Variants in MTHFS observed in about 807,000 individuals in gnomAD.
The protein encoded by MTHFS is 5-formyltetrahydrofolate cyclo-ligase.
MTHFS carries 7 observed loss-of-function variants against 12.7 expected under a neutral mutation model. The ratio of observed to expected loss-of-function variants is 0.55; its 90% CI spans 0.31 to 1.03. The LOEUF (loss-of-function observed/expected upper bound fraction) is 1.03. Among genes scored for constraint, MTHFS ranks in the 50% least tolerant of loss-of-function variants. The probability of loss-of-function intolerance (pLI) is 0.05; values close to 1 mark genes in which losing one functional copy is unlikely to be tolerated. For synonymous variants in MTHFS, 100 were observed against 97.1 expected (o/e 1.03, Z -0.18); for missense variants, 252 against 258.1 (o/e 0.98, Z 0.16).
intron 2 of MTHFS, among the ~76,000 whole-genome samples, chr15:79,883,154 T>A (rs1362750198): frequency 6.6e-6 from 1 of 152,226 alleles, no homozygotes; most frequent in Non-Finnish European, 1.5e-5. Context: ...CAGTTAGCTA[T>A]GATTACACCC....
At chr15:79,881,692 G>T (rs1177507403) in intron 2 of MTHFS, among the ~76,000 whole-genome samples, 1 of 152,156 alleles carries the variant, frequency 6.6e-6, no homozygotes, top group East Asian at 1.9e-4. Context: ...GTTACCAAGG[G>T]TACCTGTTCC....
chr15:79,867,653 A>C (rs1014381665), intron 2 of MTHFS, among the ~76,000 whole-genome samples: 1 of 152,076 alleles, frequency 6.6e-6, no homozygotes, highest in Non-Finnish European at 1.5e-5. Context: ...CACATTTCTT[A>C]ACAATGCCTT....
At chr15:79,890,207 C>CTTTTTTTTT (rs71150999) in intron 1 of MTHFS, among the ~76,000 whole-genome samples, 1 of 100,694 alleles carries the variant, frequency 9.9e-6, no homozygotes, top group African/African-American at 3.7e-5. Flanking sequence ...CTCTTTTTTC[C>CTTTTTTTTT]TTTTTTTTTT....
At chr15:79,886,284 G>T (rs1483734561) in intron 2 of MTHFS, among the ~76,000 whole-genome samples, 1 of 152,190 alleles carries the variant, frequency 6.6e-6, no homozygotes, top group Non-Finnish European at 1.5e-5. Flanking sequence ...CTTAAGCACT[G>T]AAGTTGTCAC....
Position 79,896,897 on chromosome 15 carries a change from C to G in MTHFS, c.92G>C (p.Arg31Pro). ...CTTCTGGCTCAGTACGCGGGACTGG[C>G]GTAGCCGCTCCTCGGCACTCATCGC... ...LRAMSAEERL[R>P]QSRVLSQKVI... Residue 31 changes from arginine (R) to proline (P), a missense_variant, in exon 1 of 3, where the codon CGC becomes CCC. Arg to Pro is a moderately radical substitution (Grantham distance 103). Coordinates refer to ENST00000258874, the MANE Select transcript of MTHFS (RefSeq NM_006441.4). The G allele has an allele frequency of 6.5e-7, 1 of 1,542,842 alleles. No individual in the cohort carries two copies. The highest frequency in any genetic ancestry group is 8.7e-7 in the Non-Finnish European group (1 of 1,146,248).
At chr15:79,846,002 C>T (rs1318715102) in intron 2 of MTHFS, among the ~76,000 whole-genome samples, 1 of 152,196 alleles carries the variant, frequency 6.6e-6, no homozygotes, top group East Asian at 1.9e-4. Flanking sequence ...TGAGAGCAGG[C>T]TTTGACCTAC....
At chr15:79,881,791 T>C (rs2034300272) in intron 2 of MTHFS, among the ~76,000 whole-genome samples, 2 of 152,118 alleles carry the variant, frequency 1.3e-5, no homozygotes. Flanking sequence ...TGAAGAAAAA[T>C]GGCACTTCAA....
chr15:79,882,365 T>C (rs1196097567), intron 2 of MTHFS, among the ~76,000 whole-genome samples: 1 of 152,168 alleles, frequency 6.6e-6, no homozygotes, highest in Non-Finnish European at 1.5e-5. Context: ...TAAATGTCTG[T>C]TATTTAAGCT....
At position 79,858,015 on chromosome 15, in the gene MTHFS, C is replaced by CAAAAA. The variant is rs71453466; in HGVS notation, c.380-12578_380-12574dup. ...TGGGTGACAGAGCGAGACTCCATCT[C>CAAAAA]AAAAAAAAAAAAAAAAAAAACATAA... On this transcript the variant is annotated intron_variant, in intron 2 of 2. Transcript: ENST00000258874. Among the ~76,000 whole-genome samples the CAAAAA allele has an allele frequency of 6.6e-3, 388 of 59,146 alleles. 20 individuals are homozygous for CAAAAA. The highest frequency in any genetic ancestry group is 0.017 in the African/African-American group (260 of 15,754). The allele number at this position is 59,146 out of a possible 152,430, so 38.8% of individuals were successfully genotyped here.
chr15:79,879,897 G>T (rs978715249), intron 2 of MTHFS, among the ~76,000 whole-genome samples: 1 of 151,958 alleles, frequency 6.6e-6, no homozygotes, highest in Non-Finnish European at 1.5e-5. Flanking sequence ...AGTGATTCTG[G>T]TTCCCTGTGT....
At chr15:79,856,438 T>G (rs1298792461) in intron 2 of MTHFS, among the ~76,000 whole-genome samples, 1 of 152,200 alleles carries the variant, frequency 6.6e-6, no homozygotes, top group African/African-American at 2.4e-5. Flanking sequence ...GCTTAGTGAC[T>G]CTGAGAATTT....
chr15:79,858,914 A>G (rs1238818290), intron 2 of MTHFS, among the ~76,000 whole-genome samples: 6 of 152,250 alleles, frequency 3.9e-5, no homozygotes, highest in Non-Finnish European at 7.3e-5. Context: ...ACGCTTTCCT[A>G]TATGACAAAA....
chr15:79,844,653 T>C lies in MTHFS; in HGVS notation c.*557A>G, dbSNP rs1461059134. Among the ~76,000 whole-genome samples the C allele has an allele frequency of 6.6e-6, 1 of 151,952 alleles. No individual in the cohort carries two copies. Among genetic ancestry groups the C allele is most frequent in the African/African-American group, 2.4e-5 (1 of 41,348 alleles). Reference sequence around the variant, plus strand: ...CAGTGGAGTAAAAGTATTTAAATCATAAAAGGTTTCCCTCCACTAACCACC... The same window carrying C: ...CAGTGGAGTAAAAGTATTTAAATCACAAAAGGTTTCCCTCCACTAACCACC... On this transcript the variant is annotated 3_prime_UTR_variant, in exon 3 of 3. Coordinates refer to ENST00000258874, the MANE Select transcript of MTHFS (RefSeq NM_006441.4).
chr15:79,874,276 T>G (rs2034152592), intron 2 of MTHFS, among the ~76,000 whole-genome samples: 1 of 151,956 alleles, frequency 6.6e-6, no homozygotes, highest in Non-Finnish European at 1.5e-5. Context: ...GTTTATTCTC[T>G]GTAAGAACAG....
intron 2 of MTHFS, among the ~76,000 whole-genome samples, chr15:79,862,131 C>T (rs1395577038): frequency 1.3e-5 from 2 of 151,668 alleles, no homozygotes; most frequent in Non-Finnish European, 2.9e-5. Context: ...GTACAGTTAA[C>T]TTGGGTTGGC....
upstream of MTHFS, chr15:79,897,118 C>T: frequency 6.1e-6 from 5 of 823,808 alleles, no homozygotes; most frequent in South Asian, 1.1e-4. Context: ...AGCGCCCCCA[C>T]CCCGCTTCCG....
At chr15:79,889,980 G>C (rs1281166606) in intron 1 of MTHFS, among the ~76,000 whole-genome samples, 1 of 152,088 alleles carries the variant, frequency 6.6e-6, no homozygotes, top group Non-Finnish European at 1.5e-5. Flanking sequence ...CTGAGGCAGA[G>C]AACATGCCTC....
At chr15:79,849,846 T>G (rs1192879568) in intron 2 of MTHFS, among the ~76,000 whole-genome samples, 1 of 152,256 alleles carries the variant, frequency 6.6e-6, no homozygotes, top group Non-Finnish European at 1.5e-5. Flanking sequence ...CTTTCCAATG[T>G]GATCTTGCAT....
intron 2 of MTHFS, among the ~76,000 whole-genome samples, chr15:79,850,529 T>G (rs1002208782): frequency 6.6e-6 from 1 of 152,156 alleles, no homozygotes; most frequent in Non-Finnish European, 1.5e-5. Context: ...CCTGATAACA[T>G]GTTATTTACA....
Sources: allele counts gnomAD v4.1 joint callset (sites outside exome capture counted in the v4.1 genomes callset), GRCh38; gene constraint gnomAD v4.1.1; transcripts MANE v1.5; gene names NCBI Gene and HGNC (gene_info 2026-07-23, HGNC 2026-07-21).